UHRF2: variants seen among roughly 807,000 people sequenced by gnomAD.
The protein encoded by UHRF2 is ubiquitin like with PHD and ring finger domains 2.
UHRF2 carries 23 observed loss-of-function variants against 96.8 expected under a neutral mutation model. The ratio of observed to expected loss-of-function variants is 0.24; its 90% CI spans 0.17 to 0.34. The LOEUF is 0.34. Ranked by LOEUF, UHRF2 falls within the 10% of genes least tolerant of loss-of-function variation. The probability of loss-of-function intolerance (pLI) is 1.00; values close to 1 mark genes in which losing one functional copy is unlikely to be tolerated. For missense variants in UHRF2, 685 were observed against 981.5 expected, an observed-to-expected ratio of 0.70 and a Z score of 4.04; for synonymous variants, 385 against 332.6, an observed-to-expected ratio of 1.16 and a Z score of -1.72.
chr9:6,460,873 A>G (rs1346972425), intron 4 of UHRF2, 82 bp downstream of exon 4: 1 of 1,118,296 alleles, frequency 8.9e-7, no homozygotes, highest in Non-Finnish European at 1.2e-6. Flanking sequence ...CGTGTACCTT[A>G]GTAAAAAAAG....
chr9:6,460,157 G>T (rs1266239713), intron 3 of UHRF2, among the ~76,000 whole-genome samples: 1 of 152,194 alleles, frequency 6.6e-6, no homozygotes, highest in Non-Finnish European at 1.5e-5. Context: ...CAAATATTCA[G>T]TCTCCCATTG....
rs141662474 is a variant in UHRF2 at position 6,421,462 on chromosome 9, G to T, written c.384+320G>T. On this transcript the variant is annotated intron_variant, in intron 2 of 15. Transcript: ENST00000276893. The stretch of plus-strand genomic sequence containing the variant: ...GAGGCTTGCTCTGTCACCCAGGCTG[G>T]AGTGCAGTGGCGCACGCAATCTTGG... 2.5e-3 allele frequency among the ~76,000 whole-genome samples: 380 copies of T among 152,258 alleles called. 1 individual carries two copies. Among genetic ancestry groups the T allele is most frequent in the Admixed American group, 5.6e-3 (85 of 15,294 alleles).
At chr9:6,459,715 G>A (rs1043409777) in intron 3 of UHRF2, among the ~76,000 whole-genome samples, 4 of 152,212 alleles carry the variant, frequency 2.6e-5, no homozygotes, top group Non-Finnish European at 2.9e-5. Context: ...GGCTCATGCC[G>A]GTAGTCCCAG....
intron 2 of UHRF2, among the ~76,000 whole-genome samples, chr9:6,429,944 G>A (rs1419151951): frequency 2.0e-5 from 3 of 152,122 alleles, no homozygotes; most frequent in East Asian, 1.9e-4. Flanking sequence ...TTTAATGATT[G>A]CCCCTTGCCT....
rs570942607 is a variant in UHRF2 at position 6,455,311 on chromosome 9, C to T, written c.645-5262C>T. Among the ~76,000 whole-genome samples, 5 of 152,246 alleles carry T rather than the reference C, an allele frequency of 3.3e-5. No homozygotes were observed. In the East Asian group the frequency reaches 5.8e-4, roughly 18 times the overall value. ...CCCTCTCTCCACCCCACAACAGGCC[C>T]GGGTGTGCGATGTTCCCCTTCCTGT... On this transcript the variant is annotated intron_variant, in intron 3 of 15. Transcript: ENST00000276893.
intron 1 of UHRF2, among the ~76,000 whole-genome samples, chr9:6,418,855 C>A (rs1247091518): frequency 6.6e-6 from 1 of 152,186 alleles, no homozygotes; most frequent in East Asian, 1.9e-4. Context: ...TCTCACAGTT[C>A]TAGAGGTCTA....
At chr9:6,427,591 G>A (rs1284518063) in intron 2 of UHRF2, among the ~76,000 whole-genome samples, 4 of 152,050 alleles carry the variant, frequency 2.6e-5, no homozygotes, top group Admixed American at 6.6e-5. Context: ...AGGCTGAGAC[G>A]GGAGAATCAC....
intron 3 of UHRF2, among the ~76,000 whole-genome samples, chr9:6,444,421 C>T (rs1821365586): frequency 6.6e-6 from 1 of 152,222 alleles, no homozygotes; most frequent in Admixed American, 6.5e-5. Context: ...AAGAACTTTA[C>T]AGATACCAGT....
intron 2 of UHRF2, among the ~76,000 whole-genome samples, chr9:6,421,494 A>G (rs532792073): frequency 7.2e-5 from 11 of 152,224 alleles, no homozygotes; most frequent in Admixed American, 3.3e-4. Flanking sequence ...TTGGCTCGCT[A>G]TGACCTCTGC....
intron 3 of UHRF2, among the ~76,000 whole-genome samples, chr9:6,445,917 G>T: frequency 6.9e-6 from 1 of 145,156 alleles, no homozygotes; most frequent in Non-Finnish European, 1.5e-5. Context: ...AAAACTTTTT[G>T]CTTTTCATTT....
intron 9 of UHRF2, among the ~76,000 whole-genome samples, chr9:6,487,221 G>A (rs1291626331): frequency 1.9e-5 from 2 of 103,526 alleles, no homozygotes; most frequent in Non-Finnish European, 3.4e-5. Flanking sequence ...ATGGAGTCTC[G>A]CTATATCACC....
intron 3 of UHRF2, among the ~76,000 whole-genome samples, chr9:6,443,814 G>A (rs1821330380): frequency 6.6e-6 from 1 of 152,106 alleles, no homozygotes; most frequent in Non-Finnish European, 1.5e-5. Flanking sequence ...GGTAACTTAG[G>A]CTAGGCTATA....
intron 6 of UHRF2, among the ~76,000 whole-genome samples, chr9:6,478,974 C>G (rs899392984): frequency 6.6e-6 from 1 of 152,172 alleles, no homozygotes; most frequent in Non-Finnish European, 1.5e-5. Flanking sequence ...CTAAAATACG[C>G]TCTTTCACCT....
intron 14 of UHRF2, among the ~76,000 whole-genome samples, chr9:6,503,198 G>T (rs1179966591): frequency 3.3e-5 from 5 of 152,080 alleles, no homozygotes; most frequent in African/African-American, 1.2e-4. Flanking sequence ...TTTTGGCCAT[G>T]TTGGCCAGGT....
At chr9:6,478,112 C>T (rs1231238092) in intron 6 of UHRF2, among the ~76,000 whole-genome samples, 1 of 152,134 alleles carries the variant, frequency 6.6e-6, no homozygotes, top group African/African-American at 2.4e-5. Context: ...ACAGGAGGAC[C>T]CTGTGTGATA....
At chr9:6,464,684 C>A (rs1285062908) in intron 4 of UHRF2, among the ~76,000 whole-genome samples, 4 of 152,168 alleles carry the variant, frequency 2.6e-5, no homozygotes, top group Non-Finnish European at 5.9e-5. Flanking sequence ...TCCCATTGAT[C>A]TTCAGTATCA....
intron 4 of UHRF2, among the ~76,000 whole-genome samples, chr9:6,469,286 G>C (rs567306686): frequency 7.2e-5 from 11 of 152,110 alleles, no homozygotes; most frequent in Non-Finnish European, 7.4e-5. Context: ...TTGGGAGGCC[G>C]AGGCAGGTGG....
intron 3 of UHRF2, among the ~76,000 whole-genome samples, chr9:6,434,854 C>A (rs1371573519): frequency 6.6e-6 from 1 of 151,922 alleles, no homozygotes; most frequent in East Asian, 1.9e-4. Context: ...GGGTGGGGAC[C>A]GGGTCCCACT....
Position 6,477,691 on chromosome 9 carries a change from G to A in UHRF2, c.1043G>A (p.Arg348His), listed in dbSNP as rs143697277. The A allele has an allele frequency of 1.2e-5, 19 of 1,614,028 alleles. No homozygotes were observed. Among genetic ancestry groups the A allele is most frequent in the African/African-American group, 1.1e-4 (8 of 74,920 alleles). ...PEKKCHSCSC[R>H]VCGGKHEPNM... ...AAGAAATGTCATTCTTGCTCCTGTC[G>A]TGTATGTGGTGGGAAACATGAACCC... is the stretch of plus-strand genomic sequence containing the variant. Residue 348 changes from arginine to histidine, a missense_variant, in exon 6 of 16, where the codon CGT (arginine) becomes CAT (histidine). Arg to His is a conservative substitution (Grantham distance 29). Transcript: ENST00000276893.
Sources: allele counts gnomAD v4.1 joint callset (sites outside exome capture counted in the v4.1 genomes callset), GRCh38; gene constraint gnomAD v4.1.1; transcripts MANE v1.5; gene names NCBI Gene and HGNC (gene_info 2026-07-23, HGNC 2026-07-21).